PDPN: variants seen among roughly 807,000 people sequenced by gnomAD.
PDPN encodes the protein PA2.26 antigen.
Under a neutral mutation model 23.2 loss-of-function variants are expected in PDPN, and 12 were observed. The observed-to-expected ratio is 0.52, with a 90% CI of 0.33 to 0.84. The LOEUF (loss-of-function observed/expected upper bound fraction) is 0.84, where lower values mean the gene tolerates loss of function less well. PDPN is among the 40% of genes least tolerant of loss of function. The pLI is 0.02. For synonymous variants in PDPN, 77 were observed against 76.7 expected (o/e 1.00, Z -0.02); for missense variants, 199 against 212.2 (o/e 0.94, Z 0.39).
intron 1 of PDPN, chr1:13,584,380 C>A (rs1036875399): frequency 2.2e-6 from 3 of 1,353,110 alleles, no homozygotes; most frequent in Non-Finnish European, 2.9e-6. Context: ...GTCGGCAGCA[C>A]CAGAGAGATC....
intron 1 of PDPN, among the ~76,000 whole-genome samples, chr1:13,590,833 T>C (rs1640322572): frequency 7.0e-6 from 1 of 142,034 alleles, no homozygotes; most frequent in South Asian, 2.2e-4. Flanking sequence ...AGATTGAATC[T>C]AGTTTGTGGG....
chr1:13,593,949 C>T (rs1402203903), intron 1 of PDPN, among the ~76,000 whole-genome samples: 1 of 152,214 alleles, frequency 6.6e-6, no homozygotes, highest in Admixed American at 6.5e-5. Context: ...GAACTCATTT[C>T]CTCTTGGACT....
At chr1:13,584,503 G>C (rs1034732064) in intron 1 of PDPN, among the ~76,000 whole-genome samples, 1 of 152,242 alleles carries the variant, frequency 6.6e-6, no homozygotes, top group Non-Finnish European at 1.5e-5. Flanking sequence ...AGCTGGCCTC[G>C]TAGAATCAGG....
At chr1:13,586,545 C>T (rs998788904) in intron 1 of PDPN, among the ~76,000 whole-genome samples, 1 of 152,082 alleles carries the variant, frequency 6.6e-6, no homozygotes, top group African/African-American at 2.4e-5. Flanking sequence ...TTATAAGGAC[C>T]TCAAGCCTTG....
At chr1:13,614,456 T>A in intron 5 of PDPN, 45 bp downstream of exon 5, 1 of 981,206 alleles carries the variant, frequency 1.0e-6, no homozygotes, top group Non-Finnish European at 1.6e-6. Flanking sequence ...ATGAAAGCCA[T>A]CGTGTCTAGA....
chr1:13,599,821 G>T (rs1228797009), intron 1 of PDPN, among the ~76,000 whole-genome samples: 2 of 152,148 alleles, frequency 1.3e-5, no homozygotes, highest in Non-Finnish European at 2.9e-5. Context: ...AATATTTGTG[G>T]AAGGAATATA....
intron 5 of PDPN, among the ~76,000 whole-genome samples, chr1:13,615,436 C>G (rs567260242): frequency 8.5e-4 from 130 of 152,092 alleles, no homozygotes; most frequent in Non-Finnish European, 1.6e-3. Flanking sequence ...CAGGCATGCA[C>G]CACCACACCT....
chr1:13,592,709 C>T (rs529921381), intron 1 of PDPN, among the ~76,000 whole-genome samples: 7 of 152,094 alleles, frequency 4.6e-5, no homozygotes, highest in African/African-American at 7.2e-5. Flanking sequence ...CCACCACACC[C>T]GGCTAATTTT....
chr1:13,611,199 C>A (rs533884445), intron 3 of PDPN, among the ~76,000 whole-genome samples: 1 of 149,786 alleles, frequency 6.7e-6, no homozygotes, highest in East Asian at 2.0e-4. Flanking sequence ...CCAACCTGGG[C>A]GACAGTGCGA....
chr1:13,595,641 C>T (rs750300103), intron 1 of PDPN, among the ~76,000 whole-genome samples: 18 of 152,222 alleles, frequency 1.2e-4, no homozygotes, highest in Admixed American at 1.1e-3. Context: ...AAGAGTCACA[C>T]GCCCCCAGTG....
Position 13,614,360 on chromosome 1 carries a change from T to A in PDPN, c.431T>A (p.Phe144Tyr). ...GTTGGGGTCTTACTAGCCATCGGCT[T>A]CATTGGTGCAATCATCGTTGTGGTT... ...IIVGVLLAIGFIGAIIVVVMR... is the reference protein window; with the variant it reads ...IIVGVLLAIGYIGAIIVVVMR... The change falls in exon 5 of 6, where the codon TTC (phenylalanine) becomes TAC (tyrosine). Residue 144 changes from phenylalanine to tyrosine, a missense_variant. Physicochemically the swap from Phe to Tyr is conservative, Grantham distance 22. Transcript: ENST00000621990. The A allele has an allele frequency of 6.2e-7, 1 of 1,610,110 alleles. No homozygotes were observed. Among genetic ancestry groups the A allele is most frequent in the Non-Finnish European group, 8.5e-7 (1 of 1,176,264 alleles).
chr1:13,607,341 A>G, intron 2 of PDPN, 35 bp downstream of exon 2: 1 of 1,594,030 alleles, frequency 6.3e-7, no homozygotes, highest in Non-Finnish European at 8.6e-7. Context: ...TTTTTTCCGT[A>G]GGCATGTGAT....
chr1:13,611,924 G>A (rs1272489903), intron 3 of PDPN, among the ~76,000 whole-genome samples: 6 of 152,092 alleles, frequency 3.9e-5, no homozygotes, highest in African/African-American at 1.2e-4. Flanking sequence ...TCAAAATTTT[G>A]GAGAATTGCT....
rs1025334377 is a variant in PDPN at position 13,583,927 on chromosome 1, C to T, written c.-107C>T. 1 of 1,613,076 alleles carries T rather than the reference C, an allele frequency of 6.2e-7. No homozygotes were observed. Among genetic ancestry groups the T allele is most frequent in the African/African-American group, 1.3e-5 (1 of 75,076 alleles). On this transcript the variant is annotated 5_prime_UTR_variant, in exon 1 of 6. Transcript: ENST00000621990. ...GCTCCCACCCCTCCGGCCCCCCCAC[C>T]GTCGCGCTCCTCCAGGCTGGGCCTG...
At chr1:13,584,459 C>A in intron 1 of PDPN, 1 of 685,766 alleles carries the variant, frequency 1.5e-6, no homozygotes, top group Non-Finnish European at 2.4e-6. Flanking sequence ...TCCCATAGAG[C>A]GGTGTGTTGG....
Position 13,616,069 on chromosome 1 carries a change from A to C in PDPN, c.*158A>C. The C allele has an allele frequency of 2.1e-5, 14 of 681,694 alleles. No homozygotes were observed. Among genetic ancestry groups the C allele is most frequent in the Non-Finnish European group, 3.4e-5 (13 of 380,636 alleles). The allele number at this position is 681,694 out of a possible 1,614,324, so 42.2% of individuals were successfully genotyped here. A position where few individuals can be genotyped will look rare whatever the true frequency, so the allele number is the denominator to read the frequency against. ...ACCTCTCCGCTTGCCAAAATAACCG[A>C]AGGAAAGACCGTTCACCAGACTTGG... On this transcript the variant is annotated 3_prime_UTR_variant, in exon 6 of 6. Coordinates refer to ENST00000621990, the MANE Select transcript of PDPN (RefSeq NM_006474.5).
rs763530499 is a variant in PDPN at position 13,607,062 on chromosome 1, A to C, written c.68-111A>C. 169 of 1,313,774 alleles carry C rather than the reference A, an allele frequency of 1.3e-4. 1 individual carries two copies. The highest frequency in any genetic ancestry group is 1.7e-4 in the Non-Finnish European group (162 of 955,062). The allele number at this position is 1,313,774 out of a possible 1,614,324, so 81.4% of individuals were successfully genotyped here. On this transcript the variant is annotated intron_variant, in intron 1 of 5. Transcript: ENST00000621990. ...AAGCCACAAAAAGGACCAAAAATAA[A>C]ACAAAAATTTCCAAAAGAAATGGAA...
intron 1 of PDPN, among the ~76,000 whole-genome samples, chr1:13,605,330 C>T (rs1387258827): frequency 2.0e-5 from 3 of 152,174 alleles, no homozygotes; most frequent in African/African-American, 7.2e-5. Context: ...AATTTCCAAG[C>T]ACCTCCCTCC....
intron 5 of PDPN, 200 bp downstream of exon 5, chr1:13,614,611 G>T: frequency 2.0e-6 from 1 of 501,990 alleles, no homozygotes; most frequent in Admixed American, 3.3e-5. Context: ...TGGTACAATG[G>T]TCATGTTCCA....
Sources: allele counts gnomAD v4.1 joint callset (sites outside exome capture counted in the v4.1 genomes callset), GRCh38; gene constraint gnomAD v4.1.1; transcripts MANE v1.5; gene names NCBI Gene and HGNC (gene_info 2026-07-23, HGNC 2026-07-21).